Variants in IL1RAPL2 observed in about 807,000 individuals in gnomAD.
The protein encoded by IL1RAPL2 is X-linked interleukin-1 receptor accessory protein-like 2.
In IL1RAPL2, 3 loss-of-function variants were observed where a neutral mutation model predicts 44.1. That is an observed-to-expected ratio of 0.07 (90% CI 0.03 to 0.18). IL1RAPL2 has a LOEUF of 0.18. Among genes scored for constraint, IL1RAPL2 ranks in the 10% least tolerant of loss-of-function variants. The pLI is 1.00. For synonymous variants in IL1RAPL2, 181 were observed against 178.8 expected, an observed-to-expected ratio of 1.01 and a Z score of -0.10; for missense variants, 391 against 496.4, an observed-to-expected ratio of 0.79 and a Z score of 2.02.
At chrX:105,711,282 C>T (rs921191877) in intron 6 of IL1RAPL2, among the ~76,000 whole-genome samples, 21 of 110,628 alleles carry the variant, frequency 1.9e-4, no homozygotes, top group African/African-American at 6.3e-4. Flanking sequence ...AGAGATGGCA[C>T]CAACATCTAG....
At chrX:105,628,014 G>T (rs946928890) in intron 6 of IL1RAPL2, among the ~76,000 whole-genome samples, 1 of 111,388 alleles carries the variant, frequency 9.0e-6, no homozygotes, top group African/African-American at 3.3e-5. Context: ...TGCAGTTTGT[G>T]TGTCTGGGGA....
intron 5 of IL1RAPL2, among the ~76,000 whole-genome samples, chrX:105,364,450 T>A (rs750721935): frequency 9.0e-6 from 1 of 111,224 alleles, no homozygotes; most frequent in Non-Finnish European, 1.9e-5. Context: ...TTTTCTATTT[T>A]TGTGAAAAAA....
At chrX:105,654,570 A>G (rs1366151374) in intron 6 of IL1RAPL2, among the ~76,000 whole-genome samples, 1 of 111,754 alleles carries the variant, frequency 8.9e-6, no homozygotes, top group Non-Finnish European at 1.9e-5. Context: ...CTATTTGACT[A>G]TTTTCAGTCA....
chrX:104,602,364 C>A (rs1445563512), intron 1 of IL1RAPL2, among the ~76,000 whole-genome samples: 1 of 111,680 alleles, frequency 9.0e-6, no homozygotes, highest in Non-Finnish European at 1.9e-5. Context: ...CCCACCCCAC[C>A]AGGGCCCTGG....
chrX:105,611,942 G>T (rs897568291), intron 6 of IL1RAPL2, among the ~76,000 whole-genome samples: 53 of 111,395 alleles, frequency 4.8e-4, no homozygotes, highest in African/African-American at 1.6e-3. Flanking sequence ...TCTAGTTTGG[G>T]TCTATTATAA....
chrX:105,432,702 G>T (rs1285053964), intron 5 of IL1RAPL2, among the ~76,000 whole-genome samples: 2 of 111,083 alleles, frequency 1.8e-5, no homozygotes, highest in South Asian at 3.8e-4. Flanking sequence ...AGGTTATTTG[G>T]GGAGTGGGAT....
chrX:104,663,389 C>T (rs1930436103), intron 2 of IL1RAPL2, among the ~76,000 whole-genome samples: 1 of 110,408 alleles, frequency 9.1e-6, no homozygotes, highest in African/African-American at 3.3e-5. Flanking sequence ...TGCTTTGAAC[C>T]CTCAAAGGAA....
chrX:105,447,497 A>C (rs1367203376), intron 5 of IL1RAPL2, among the ~76,000 whole-genome samples: 1 of 76,043 alleles, frequency 1.3e-5, no homozygotes, highest in Admixed American at 2.2e-4. Context: ...ATATAAACTT[A>C]AATATATATT....
rs1491486052 is a variant in IL1RAPL2 at position 104,585,352 on chromosome X, T to TTA, written c.-20+18309_-20+18310dup. On this transcript the variant is annotated intron_variant, in intron 1 of 10. Coordinates refer to ENST00000372582, the MANE Select transcript of IL1RAPL2 (RefSeq NM_017416.2). ...TAATATATATTATATATTATATATA[T>TTA]TATATATATTATATATATTATATAT... Among the ~76,000 whole-genome samples, 15 of 13,635 alleles carry TTA rather than the reference T, an allele frequency of 1.1e-3. 1 individual carries two copies. The highest frequency in any genetic ancestry group is 2.6e-3 in the Admixed American group (2 of 768). The allele number at this position is 13,635 out of a possible 115,157, so 11.8% of individuals were successfully genotyped here. A position where few individuals can be genotyped will look rare whatever the true frequency, so the allele number is the denominator to read the frequency against.
intron 2 of IL1RAPL2, among the ~76,000 whole-genome samples, chrX:105,013,719 G>C (rs1459844535): frequency 9.0e-6 from 1 of 110,816 alleles, no homozygotes; most frequent in African/African-American, 3.3e-5. Flanking sequence ...TTGCCCTTCT[G>C]CCTACTGAAA....
intron 3 of IL1RAPL2, among the ~76,000 whole-genome samples, chrX:105,229,355 G>A (rs1342293281): frequency 8.9e-6 from 1 of 112,221 alleles, no homozygotes; most frequent in African/African-American, 3.2e-5. Context: ...GTGATAGCAG[G>A]ACTCACATCA....
intron 2 of IL1RAPL2, among the ~76,000 whole-genome samples, chrX:104,928,505 A>C (rs1924824517): frequency 1.8e-5 from 2 of 111,583 alleles, no homozygotes; most frequent in Non-Finnish European, 3.8e-5. Flanking sequence ...TTTCTCTGTC[A>C]GGTTGAGGCT....
chrX:105,622,278 A>AAAT (rs374952697), intron 6 of IL1RAPL2, among the ~76,000 whole-genome samples: 6,245 of 99,340 alleles, frequency 0.063, 243 homozygotes, highest in Non-Finnish European at 0.098. Context: ...AAGTCAATAA[A>AAAT]AATAATAATA....
chrX:105,317,291 A>G (rs1357086258), intron 5 of IL1RAPL2, among the ~76,000 whole-genome samples: 1 of 111,885 alleles, frequency 8.9e-6, no homozygotes, highest in African/African-American at 3.2e-5. Context: ...AATACTTCAC[A>G]CTGGTTTTTG....
intron 5 of IL1RAPL2, among the ~76,000 whole-genome samples, chrX:105,356,088 A>G (rs1163341532): frequency 1.8e-5 from 2 of 110,909 alleles, no homozygotes; most frequent in African/African-American, 6.6e-5. Context: ...TTTCAAGGTA[A>G]TAAAAAATGT....
At chrX:105,249,194 C>G (rs1012513105) in intron 4 of IL1RAPL2, among the ~76,000 whole-genome samples, 4 of 111,117 alleles carry the variant, frequency 3.6e-5, no homozygotes, top group African/African-American at 1.3e-4. Flanking sequence ...TTTGCAACAA[C>G]ATGGATGGAA....
chrX:105,099,342 G>A (rs1241346915), intron 2 of IL1RAPL2, among the ~76,000 whole-genome samples: 1 of 110,373 alleles, frequency 9.1e-6, no homozygotes, highest in African/African-American at 3.3e-5. Flanking sequence ...ACAAACATCT[G>A]GTCAGCTTCT....
chrX:105,319,814 T>C (rs1050110019), intron 5 of IL1RAPL2, among the ~76,000 whole-genome samples: 3 of 112,130 alleles, frequency 2.7e-5, no homozygotes, highest in African/African-American at 9.7e-5. Flanking sequence ...CACAAGTGCA[T>C]GGGAGTCTGA....
At chrX:104,951,286 C>G (rs1377397855) in intron 2 of IL1RAPL2, among the ~76,000 whole-genome samples, 1 of 112,221 alleles carries the variant, frequency 8.9e-6, no homozygotes, top group East Asian at 2.8e-4. Context: ...TTCAGGAGAT[C>G]TCTATTTGTG....
Sources: allele counts gnomAD v4.1 joint callset (sites outside exome capture counted in the v4.1 genomes callset), GRCh38; gene constraint gnomAD v4.1.1; transcripts MANE v1.5; gene names NCBI Gene and HGNC (gene_info 2026-07-23, HGNC 2026-07-21).